ADAM10: variants seen among roughly 807,000 people sequenced by gnomAD.
ADAM10 encodes the protein ADAM metallopeptidase domain 10, also known as disintegrin and metalloproteinase domain-containing protein 10.
In ADAM10, 17 loss-of-function variants were observed where a neutral mutation model predicts 90.1. That is an observed-to-expected ratio of 0.19 (90% confidence interval 0.13 to 0.28). The LOEUF is 0.28. Among genes scored for constraint, ADAM10 ranks in the 10% least tolerant of loss-of-function variants. The probability of loss-of-function intolerance (pLI) is 1.00; values close to 1 mark genes in which losing one functional copy is unlikely to be tolerated. For missense variants in ADAM10, 610 were observed against 914.3 expected (o/e 0.67, Z 4.29); for synonymous variants, 310 against 298.6 (o/e 1.04, Z -0.40).
intron 12 of ADAM10, chr15:58,611,370 A>C (rs1895432958): frequency 2.2e-6 from 1 of 448,630 alleles, no homozygotes; most frequent in African/African-American, 2.0e-5. Context: ...GCAAGAGATT[A>C]GATGAGGATC....
chr15:58,707,242 G>C (rs1898331057), intron 2 of ADAM10: 1 of 151,514 alleles, frequency 6.6e-6, no homozygotes, highest in South Asian at 2.1e-4. Flanking sequence ...AAATTAGCCG[G>C]GCGTGGTGGC....
chr15:58,625,067 C>T (rs56039925), intron 10 of ADAM10, among the ~76,000 whole-genome samples: 7,621 of 152,108 alleles, frequency 0.05, 648 homozygotes, highest in African/African-American at 0.17. Context: ...AAAATGATAA[C>T]ATCAGTTTTT....
chr15:58,665,217 C>A lies in ADAM10; in HGVS notation c.485-20G>T. 1 of 1,519,998 alleles carries A rather than the reference C, an allele frequency of 6.6e-7. No homozygotes were observed. The highest frequency in any genetic ancestry group is 9.1e-7 in the Non-Finnish European group (1 of 1,094,616). The allele number at this position is 1,519,998 out of a possible 1,614,324, so 94.2% of individuals were successfully genotyped here. The stretch of plus-strand genomic sequence containing the variant: ...GATAGTCTAAAATACAAAGAAGAAA[C>A]GTCATTACTATCACACATTTAGGTA... On this transcript the variant is annotated intron_variant, in intron 4 of 15. Transcript: ENST00000260408.
chr15:58,597,722 A>C, intron 15 of ADAM10, 81 bp from the exon 16 acceptor site: 1 of 1,525,826 alleles, frequency 6.6e-7, no homozygotes, highest in Non-Finnish European at 8.9e-7. Context: ...CTGTTTCAAT[A>C]AGAAAGGTTT....
chr15:58,591,784 T>C lies in ADAM10; in HGVS notation c.*5763A>G, dbSNP rs1250700625. The C allele has an allele frequency of 6.6e-6, 1 of 152,228 alleles. No individual in the cohort carries two copies. The highest frequency in any genetic ancestry group is 1.5e-5 in the Non-Finnish European group (1 of 68,032). The allele number at this position is 152,228 out of a possible 1,614,324, so 9.4% of individuals were successfully genotyped here. On this transcript the variant is annotated 3_prime_UTR_variant, in exon 16 of 16. Coordinates refer to ENST00000260408, the MANE Select transcript of ADAM10 (RefSeq NM_001110.4). Reference sequence around the variant, plus strand: ...TTTTAAGTGTTTCAATTTGCATCTCTAAAAGGGGTCCTTTAAAAAATGTAA... The same window carrying C: ...TTTTAAGTGTTTCAATTTGCATCTCCAAAAGGGGTCCTTTAAAAAATGTAA...
At chr15:58,710,676 T>A (rs1241481548) in intron 2 of ADAM10, among the ~76,000 whole-genome samples, 1 of 151,758 alleles carries the variant, frequency 6.6e-6, no homozygotes, top group Non-Finnish European at 1.5e-5. Flanking sequence ...TTTGGGAATT[T>A]TTGCTCAAAT....
intron 2 of ADAM10, among the ~76,000 whole-genome samples, chr15:58,705,032 A>T (rs1473400865): frequency 6.6e-6 from 1 of 152,198 alleles, no homozygotes; most frequent in East Asian, 1.9e-4. Flanking sequence ...AAGATATAGA[A>T]ATAAAAATTA....
At chr15:58,679,431 T>C in intron 3 of ADAM10, 149 bp from the exon 4 acceptor site, 3 of 745,688 alleles carry the variant, frequency 4.0e-6, no homozygotes, top group Non-Finnish European at 6.6e-6. Flanking sequence ...ATAAATTTAC[T>C]ATGGAAATTT....
chr15:58,681,234 A>C (rs1897432671), intron 3 of ADAM10, among the ~76,000 whole-genome samples: 2 of 152,224 alleles, frequency 1.3e-5, no homozygotes, highest in Non-Finnish European at 2.9e-5. Context: ...ATAATCAAGA[A>C]GACAATATAA....
chr15:58,602,061 A>G (rs953855875), intron 14 of ADAM10, among the ~76,000 whole-genome samples: 1 of 152,144 alleles, frequency 6.6e-6, no homozygotes, highest in Non-Finnish European at 1.5e-5. Flanking sequence ...TTTTGTAGGG[A>G]CCTAATTTGG....
intron 2 of ADAM10, among the ~76,000 whole-genome samples, chr15:58,701,842 A>T (rs1460217593): frequency 6.6e-6 from 1 of 152,182 alleles, no homozygotes; most frequent in Non-Finnish European, 1.5e-5. Flanking sequence ...GCAGTGACTC[A>T]CGCCTATAAT....
intron 11 of ADAM10, among the ~76,000 whole-genome samples, chr15:58,615,455 T>C (rs1176507220): frequency 1.3e-5 from 2 of 152,176 alleles, no homozygotes; most frequent in African/African-American, 4.8e-5. Flanking sequence ...ATTACTTATG[T>C]ATTCATTTAT....
intron 2 of ADAM10, among the ~76,000 whole-genome samples, chr15:58,685,275 C>CA (rs1897558165): frequency 6.7e-6 from 1 of 150,208 alleles, no homozygotes; most frequent in Non-Finnish European, 1.5e-5. Context: ...TCCTGGCTAA[C>CA]ACAGTGAAAC....
intron 1 of ADAM10, among the ~76,000 whole-genome samples, chr15:58,733,497 G>T (rs1484249912): frequency 6.6e-6 from 1 of 152,152 alleles, no homozygotes; most frequent in Non-Finnish European, 1.5e-5. Context: ...ATTCTACCCT[G>T]ATTTGTGCAG....
intron 2 of ADAM10, among the ~76,000 whole-genome samples, chr15:58,705,608 A>G (rs1898257634): frequency 6.6e-6 from 1 of 152,230 alleles, no homozygotes; most frequent in Non-Finnish European, 1.5e-5. Flanking sequence ...AATAATAGAC[A>G]TACCAGAACC....
Position 58,597,599 on chromosome 15 carries a change from G to A in ADAM10, c.2195C>T (p.Pro732Leu), listed in dbSNP as rs372981063. Residue 732 changes from proline to leucine, a missense_variant, in exon 16 of 16, where the codon CCC becomes CTC. Around this residue, in one of 4 missense-constraint regions of ADAM10, gnomAD observed 150 missense variants for 268.5 expected, o/e 0.56. Coordinates refer to ENST00000260408, the MANE Select transcript of ADAM10 (RefSeq NM_001110.4). ...RRRPPQPIQQ[P>L]QRQRPRESYQ... ...ACTCTCTCGGGGCCGCTGACGCTGG[G>A]GTTGCTGAATGGGCTGTGGAGGTCT... 17 of 1,613,918 alleles carry A rather than the reference G, an allele frequency of 1.1e-5. No individual in the cohort carries two copies. The highest frequency in any genetic ancestry group is 4.0e-5 in the African/African-American group (3 of 74,886).
intron 4 of ADAM10, among the ~76,000 whole-genome samples, chr15:58,666,667 G>A (rs1316160703): frequency 7.3e-5 from 11 of 150,994 alleles, no homozygotes; most frequent in African/African-American, 2.7e-4. Context: ...AATGTATAGG[G>A]GAACAAAAAA....
intron 2 of ADAM10, among the ~76,000 whole-genome samples, chr15:58,693,561 C>T (rs1004784293): frequency 2.0e-5 from 3 of 152,042 alleles, no homozygotes; most frequent in Admixed American, 1.3e-4. Flanking sequence ...TGACCCTTAC[C>T]TCTATCATAA....
At chr15:58,652,892 G>A (rs1416224548) in intron 5 of ADAM10, among the ~76,000 whole-genome samples, 6 of 151,860 alleles carry the variant, frequency 4.0e-5, no homozygotes, top group Non-Finnish European at 8.8e-5. Flanking sequence ...TGTCTTCTTC[G>A]ATTTCTTTCA....
Sources: gnomAD v4.1 joint callset for allele counts (sites outside exome capture counted in the v4.1 genomes callset) on GRCh38, gnomAD v4.1.1 for gene constraint, gnomAD v4.1.1 regional missense constraint, MANE v1.5 for transcripts, NCBI Gene and HGNC (gene_info 2026-07-23, HGNC 2026-07-21) for gene names.